Variants in PHACTR1 observed in about 807,000 individuals in gnomAD.
PHACTR1 encodes RPEL repeat containing 1.
A neutral mutation model predicts 69.2 loss-of-function variants in PHACTR1; 16 were observed. That is an observed-to-expected ratio of 0.23 (90% CI 0.16 to 0.35). The LOEUF is 0.35. PHACTR1 is among the 10% of genes least tolerant of loss of function. The pLI, the probability that PHACTR1 is intolerant of heterozygous loss-of-function variation, is 1.00. For missense variants in PHACTR1, 510 were observed against 734.7 expected, an observed-to-expected ratio of 0.69 and a Z score of 3.54; for synonymous variants, 312 against 284.5, an observed-to-expected ratio of 1.10 and a Z score of -0.97.
intron 3 of PHACTR1, among the ~76,000 whole-genome samples, chr6:12,730,974 G>T (rs1468723202): frequency 1.4e-5 from 2 of 146,024 alleles, no homozygotes; most frequent in South Asian, 4.5e-4. Context: ...ATATTATGCA[G>T]AATATTACCT....
At chr6:13,214,056 A>G (rs577428023) in intron 8 of PHACTR1, 1 of 152,224 alleles carries the variant, frequency 6.6e-6, no homozygotes, top group South Asian at 2.1e-4. Flanking sequence ...AGGCTTTTGC[A>G]TACTTACCTG....
At chr6:13,059,458 TCACACACA>T (rs57652223) in intron 5 of PHACTR1, among the ~76,000 whole-genome samples, 7,323 of 148,200 alleles carry the variant, frequency 0.049, 547 homozygotes, top group African/African-American at 0.17. Context: ...AATGTTCTTA[TCACACACA>T]CACACACACA....
intron 4 of PHACTR1, among the ~76,000 whole-genome samples, chr6:12,778,703 G>C (rs572058083): frequency 2.6e-5 from 4 of 152,302 alleles, no homozygotes; most frequent in African/African-American, 9.6e-5. Flanking sequence ...AGTTTGAAAA[G>C]AGTACCTTGG....
intron 5 of PHACTR1, among the ~76,000 whole-genome samples, chr6:13,073,608 C>G (rs1809910538): frequency 6.6e-6 from 1 of 152,000 alleles, no homozygotes; most frequent in South Asian, 2.1e-4. Context: ...TCCCGAAGTT[C>G]TGGGATTACT....
At chr6:12,783,618 A>T (rs780633969) in intron 4 of PHACTR1, among the ~76,000 whole-genome samples, 2 of 152,200 alleles carry the variant, frequency 1.3e-5, no homozygotes, top group Non-Finnish European at 2.9e-5. Context: ...ATAAAACCAC[A>T]GCAGCTTCTG....
At chr6:12,936,327 G>C (rs894919522) in intron 4 of PHACTR1, among the ~76,000 whole-genome samples, 2 of 152,092 alleles carry the variant, frequency 1.3e-5, no homozygotes, top group Non-Finnish European at 2.9e-5. Flanking sequence ...AATATTAATT[G>C]ATTAATCTAG....
intron 6 of PHACTR1, among the ~76,000 whole-genome samples, chr6:13,162,668 C>G (rs930232056): frequency 6.6e-6 from 1 of 152,136 alleles, no homozygotes; most frequent in Non-Finnish European, 1.5e-5. Context: ...TTATTATTTC[C>G]GTTACATCTA....
chr6:13,121,309 C>G (rs917635467), intron 5 of PHACTR1, among the ~76,000 whole-genome samples: 1 of 152,046 alleles, frequency 6.6e-6, no homozygotes, highest in Non-Finnish European at 1.5e-5. Flanking sequence ...CTGCCTGGGT[C>G]CAACTCCCAA....
At chr6:12,775,175 G>GAC (rs1769897192) in intron 4 of PHACTR1, among the ~76,000 whole-genome samples, 4 of 127,852 alleles carry the variant, frequency 3.1e-5, no homozygotes, top group Admixed American at 2.9e-4. Context: ...ATCACTCAGA[G>GAC]ACACACATGC....
chr6:12,755,083 GT>G (rs1379641628), intron 4 of PHACTR1, among the ~76,000 whole-genome samples: 1 of 152,054 alleles, frequency 6.6e-6, no homozygotes, highest in African/African-American at 2.4e-5. Context: ...TCTATGTTGG[GT>G]AATTAGATTT....
In PHACTR1 at chr6:12,978,240, A is replaced by G. The variant is rs150250797; in HGVS notation, c.251-75125A>G. ...CTGTGTTCAAAATCTGAATCTCATC[A>G]TGTCACCCCCTTGCCTAGTGCAAAT... On this transcript the variant is annotated intron_variant, in intron 4 of 14. Transcript: ENST00000332995. Among the ~76,000 whole-genome samples, 39 of 152,212 alleles carry G rather than the reference A, an allele frequency of 2.6e-4. 1 individual carries two copies. In the East Asian group the frequency reaches 5.6e-3, roughly 22 times the overall value.
chr6:13,225,113 G>C (rs776589293), intron 8 of PHACTR1, among the ~76,000 whole-genome samples: 1 of 152,166 alleles, frequency 6.6e-6, no homozygotes, highest in African/African-American at 2.4e-5. Context: ...TTGCTCTCCT[G>C]TGGTTCTCCA....
At chr6:13,106,786 G>A (rs12194133) in intron 5 of PHACTR1, among the ~76,000 whole-genome samples, 1 of 151,890 alleles carries the variant, frequency 6.6e-6, no homozygotes, top group Non-Finnish European at 1.5e-5. Flanking sequence ...TCATCTTTTG[G>A]GATGAGCAGA....
At chr6:12,816,211 T>A (rs189288347) in intron 4 of PHACTR1, among the ~76,000 whole-genome samples, 20 of 152,354 alleles carry the variant, frequency 1.3e-4, no homozygotes, top group African/African-American at 7.2e-5. Context: ...ATCGCCTTAA[T>A]GTACTTGATG....
chr6:13,050,224 G>T (rs776134790), intron 4 of PHACTR1, among the ~76,000 whole-genome samples: 10 of 152,288 alleles, frequency 6.6e-5, no homozygotes, highest in East Asian at 1.9e-4. Context: ...CTATTTACTT[G>T]CCTGATTTGA....
chr6:12,896,776 C>T (rs1163994437), intron 4 of PHACTR1, among the ~76,000 whole-genome samples: 3 of 152,196 alleles, frequency 2.0e-5, no homozygotes, highest in Non-Finnish European at 4.4e-5. Context: ...TCTTCCCACA[C>T]AATTGGTTTT....
chr6:12,868,094 TA>T (rs1296987615), intron 4 of PHACTR1, among the ~76,000 whole-genome samples: 1 of 151,982 alleles, frequency 6.6e-6, no homozygotes, highest in Non-Finnish European at 1.5e-5. Flanking sequence ...CCATCTCTAC[TA>T]AAAATACAAA....
chr6:12,904,279 G>A (rs1327768221), intron 4 of PHACTR1, among the ~76,000 whole-genome samples: 4 of 152,024 alleles, frequency 2.6e-5, no homozygotes, highest in African/African-American at 9.7e-5. Flanking sequence ...CGGGTGCAGT[G>A]GCTCATGCCT....
intron 4 of PHACTR1, among the ~76,000 whole-genome samples, chr6:12,758,466 T>TAAAAA (rs11361990): frequency 1.0e-5 from 1 of 95,796 alleles, no homozygotes; most frequent in Admixed American, 1.2e-4. Flanking sequence ...ACTCTCTTTC[T>TAAAAA]AAAAAAAAAA....
Sources: allele counts gnomAD v4.1 joint callset (sites outside exome capture counted in the v4.1 genomes callset), GRCh38; gene constraint gnomAD v4.1.1; transcripts MANE v1.5; gene names NCBI Gene and HGNC (gene_info 2026-07-23, HGNC 2026-07-21).